IREB2: variants seen among roughly 807,000 people sequenced by gnomAD.
IREB2 encodes the protein iron-responsive element-binding protein 2.
Under a neutral mutation model 118.8 loss-of-function variants are expected in IREB2, and 39 were observed. The ratio of observed to expected loss-of-function variants is 0.33; its 90% CI spans 0.25 to 0.43. The LOEUF is 0.43. Among genes scored for constraint, IREB2 ranks in the 20% least tolerant of loss-of-function variants. The pLI, the probability that IREB2 is intolerant of heterozygous loss-of-function variation, is 1.00. For missense variants in IREB2, 900 were observed against 1,147.3 expected, an observed-to-expected ratio of 0.78 and a Z score of 3.11; for synonymous variants, 372 against 392.2, an observed-to-expected ratio of 0.95 and a Z score of 0.61.
intron 2 of IREB2, among the ~76,000 whole-genome samples, chr15:78,461,278 A>G (rs1239356295): frequency 6.6e-6 from 1 of 152,266 alleles, no homozygotes; most frequent in Non-Finnish European, 1.5e-5. Context: ...CTTTGTTCAC[A>G]GTAAACAGAT....
intron 2 of IREB2, among the ~76,000 whole-genome samples, chr15:78,459,839 GA>G (rs2051168602): frequency 6.6e-6 from 1 of 151,854 alleles, no homozygotes; most frequent in African/African-American, 2.4e-5. Context: ...TTTTTATGTT[GA>G]AAAACCTAGG....
In IREB2 at chr15:78,497,143, G is replaced by A. The variant is rs375826333; in HGVS notation, c.2613G>A (p.Leu871=). 3.2e-5 allele frequency: 51 copies of A among 1,613,300 alleles called. No individual in the cohort carries two copies. In the African/African-American group the frequency reaches 5.9e-4, roughly 19 times the overall value. ...GPYLLGVKAV[L]AESYEKIHKD... ...TATTACAGGGTGTGAAAGCTGTTTT[G>A]GCCGAAAGTTATGAAAAAATACACA... The change falls in exon 21 of 22, where the codon TTG becomes TTA. Residue 871 remains leucine, a synonymous_variant. Coordinates refer to ENST00000258886, the MANE Select transcript of IREB2 (RefSeq NM_004136.4).
At chr15:78,490,812 A>G (rs2051738567) in intron 18 of IREB2, 51 bp downstream of exon 18, 1 of 1,537,028 alleles carries the variant, frequency 6.5e-7, no homozygotes, top group Non-Finnish European at 8.9e-7. Flanking sequence ...TTTCTTACTG[A>G]TTAAGAGGCT....
chr15:78,490,810 T>A (rs755130531), intron 18 of IREB2, 49 bp downstream of exon 18: 4 of 1,550,178 alleles, frequency 2.6e-6, no homozygotes, highest in Admixed American at 1.8e-5. Context: ...TGTTTCTTAC[T>A]GATTAAGAGG....
intron 3 of IREB2, 49 bp from the exon 4 acceptor site, chr15:78,465,202 T>C (rs1236663104): frequency 6.9e-7 from 1 of 1,455,914 alleles, no homozygotes; most frequent in Non-Finnish European, 9.4e-7. Flanking sequence ...TTATTAAGCA[T>C]GTATAAAAAA....
rs547594184 is a variant in IREB2, at chr15:78,478,196, T to C, written c.1196-101T>C. On this transcript the variant is annotated intron_variant, in intron 9 of 21. Coordinates refer to ENST00000258886, the MANE Select transcript of IREB2 (RefSeq NM_004136.4). ...TTGCAGTGAGCTGTGATTGCAGCAC[T>C]GCGCTCCAGCCTGGGCAACAAAGTG... 1.5e-4 allele frequency: 112 copies of C among 746,052 alleles called. 2 individuals carry two copies. In the Admixed American group the frequency reaches 2.4e-3, roughly 16 times the overall value. 46.2% of individuals were successfully genotyped at this position (746,052 alleles called of 1,614,324 possible). A position where few individuals can be genotyped will look rare whatever the true frequency, so the allele number is the denominator to read the frequency against.
chr15:78,447,383 TGC>T (rs2141451883), intron 2 of IREB2, among the ~76,000 whole-genome samples: 1 of 151,012 alleles, frequency 6.6e-6, no homozygotes, highest in Non-Finnish European at 1.5e-5. Flanking sequence ...CAGGCTGGAA[TGC>T]AGTGGCACCG....
chr15:78,441,927 G>A (rs2050850533), intron 2 of IREB2, among the ~76,000 whole-genome samples: 1 of 151,690 alleles, frequency 6.6e-6, no homozygotes, highest in South Asian at 2.1e-4. Context: ...ATTTTTTTGA[G>A]ACAGGATCTT....
intron 5 of IREB2, among the ~76,000 whole-genome samples, chr15:78,468,722 G>T (rs1174195629): frequency 6.6e-6 from 1 of 151,802 alleles, no homozygotes; most frequent in East Asian, 1.9e-4. Context: ...CTAAAATATT[G>T]GGCTTAATAT....
At chr15:78,466,598 A>C in intron 5 of IREB2, 109 bp downstream of exon 5, 1 of 712,128 alleles carries the variant, frequency 1.4e-6, no homozygotes, top group Non-Finnish European at 2.4e-6. Flanking sequence ...CTTCACACTT[A>C]AGTACTGAAT....
intron 21 of IREB2, among the ~76,000 whole-genome samples, chr15:78,497,579 T>G (rs932835863): frequency 3.9e-5 from 6 of 152,182 alleles, no homozygotes; most frequent in Non-Finnish European, 5.9e-5. Context: ...TCAGCTTTCT[T>G]TTCATGGTGG....
At chr15:78,458,896 TC>T (rs2051150079) in intron 2 of IREB2, among the ~76,000 whole-genome samples, 1 of 152,148 alleles carries the variant, frequency 6.6e-6, no homozygotes, top group African/African-American at 2.4e-5. Context: ...CTTCCCAGCC[TC>T]AGGTGGTTCT....
At chr15:78,439,756 T>C (rs1271453795) in intron 1 of IREB2, 39 bp from the exon 2 acceptor site, 12 of 1,102,558 alleles carry the variant, frequency 1.1e-5, no homozygotes, top group South Asian at 5.5e-5. Flanking sequence ...ATAAAATATT[T>C]TGTTGCTGCA....
At chr15:78,496,514 C>T (rs2051840050) in intron 20 of IREB2, among the ~76,000 whole-genome samples, 1 of 151,894 alleles carries the variant, frequency 6.6e-6, no homozygotes, top group African/African-American at 2.4e-5. Flanking sequence ...GTGATCTGCC[C>T]ACCTCGGCCT....
chr15:78,439,735 T>G (rs2050815816), intron 1 of IREB2, 60 bp from the exon 2 acceptor site: 13 of 936,274 alleles, frequency 1.4e-5, no homozygotes, highest in Non-Finnish European at 2.2e-5. Flanking sequence ...TTTCCAGGTA[T>G]TTTCAGCTGA....
At chr15:78,453,092 G>A (rs996647384) in intron 2 of IREB2, among the ~76,000 whole-genome samples, 8 of 152,168 alleles carry the variant, frequency 5.3e-5, no homozygotes, top group African/African-American at 1.2e-4. Flanking sequence ...AGACGCTATC[G>A]TGTATTTGAA....
chr15:78,489,065 C>T (rs544295802), intron 16 of IREB2, among the ~76,000 whole-genome samples: 1 of 152,012 alleles, frequency 6.6e-6, no homozygotes, highest in Admixed American at 6.6e-5. Context: ...ACTAAAAATA[C>T]AAAACAATTA....
At chr15:78,487,629 CTT>C (rs2051681990) in intron 13 of IREB2, 102 bp from the exon 14 acceptor site, 3 of 684,132 alleles carry the variant, frequency 4.4e-6, no homozygotes, top group Admixed American at 5.0e-5. Flanking sequence ...CATGAATAGT[CTT>C]TTAAGTAATC....
intron 2 of IREB2, among the ~76,000 whole-genome samples, chr15:78,448,531 C>A (rs966166855): frequency 1.3e-5 from 2 of 152,152 alleles, no homozygotes; most frequent in African/African-American, 4.8e-5. Context: ...CTGTGGAGGT[C>A]AGACTTTGTT....
Sources: allele counts gnomAD v4.1 joint callset (sites outside exome capture counted in the v4.1 genomes callset), GRCh38; gene constraint gnomAD v4.1.1; transcripts MANE v1.5; gene names NCBI Gene and HGNC (gene_info 2026-07-23, HGNC 2026-07-21).